Variants in ASTN2 observed in about 807,000 individuals in gnomAD.
ASTN2 encodes astrotactin 2, also known as astrotactin-2.
In ASTN2, 54 loss-of-function variants were observed where a neutral mutation model predicts 139.8. The observed-to-expected ratio is 0.39, with a 90% confidence interval of 0.31 to 0.48. The LOEUF (loss-of-function observed/expected upper bound fraction) is 0.48, where lower values mean the gene tolerates loss of function less well. ASTN2 is among the 20% of genes least tolerant of loss of function. The probability of loss-of-function intolerance (pLI) is 0.95; values close to 1 mark genes in which losing one functional copy is unlikely to be tolerated. For missense variants in ASTN2, 1,565 were observed against 1,725.1 expected (o/e 0.91, Z 1.64); for synonymous variants, 756 against 719.5 (o/e 1.05, Z -0.81).
chr9:116,870,370 T>A (rs1564314871), intron 10 of ASTN2, among the ~76,000 whole-genome samples: 1 of 152,136 alleles, frequency 6.6e-6, no homozygotes, highest in East Asian at 1.9e-4. Context: ...TATAATAACA[T>A]GATATAGAAA....
At chr9:116,568,038 A>G (rs1329948658) in intron 19 of ASTN2, among the ~76,000 whole-genome samples, 1 of 152,234 alleles carries the variant, frequency 6.6e-6, no homozygotes, top group African/African-American at 2.4e-5. Context: ...TAAACAGCTA[A>G]CAAATGGTGG....
chr9:117,137,538 T>G (rs560606293), intron 4 of ASTN2, among the ~76,000 whole-genome samples: 4 of 152,170 alleles, frequency 2.6e-5, no homozygotes, highest in Non-Finnish European at 5.9e-5. Flanking sequence ...AGCAAGTCAT[T>G]AATAAATGTT....
At chr9:117,338,413 C>T (rs559658182) in intron 1 of ASTN2, among the ~76,000 whole-genome samples, 1 of 152,134 alleles carries the variant, frequency 6.6e-6, no homozygotes. Context: ...AGATCCTATC[C>T]ATTTATCAGT....
intron 2 of ASTN2, among the ~76,000 whole-genome samples, chr9:117,238,112 T>C (rs1833098692): frequency 6.6e-6 from 1 of 152,170 alleles, no homozygotes; most frequent in Non-Finnish European, 1.5e-5. Flanking sequence ...GGGGAGAGGC[T>C]GTTTTAATAA....
intron 5 of ASTN2, among the ~76,000 whole-genome samples, chr9:117,081,475 C>G (rs1047676026): frequency 6.6e-6 from 1 of 152,206 alleles, no homozygotes; most frequent in Non-Finnish European, 1.5e-5. Context: ...AACATTCCCA[C>G]CCCCTGCACA....
At chr9:116,430,068 G>A (rs1267577248) in intron 22 of ASTN2, among the ~76,000 whole-genome samples, 1 of 152,192 alleles carries the variant, frequency 6.6e-6, no homozygotes, top group Non-Finnish European at 1.5e-5. Flanking sequence ...ACTCTTCCAA[G>A]CCATGATGTA....
intron 4 of ASTN2, among the ~76,000 whole-genome samples, chr9:117,098,919 GC>G (rs1014670397): frequency 3.3e-5 from 5 of 151,868 alleles, no homozygotes; most frequent in African/African-American, 1.2e-4. Flanking sequence ...ACCAGCCTGG[GC>G]AACACGGTGA....
chr9:116,824,587 C>T (rs917090034), intron 11 of ASTN2, among the ~76,000 whole-genome samples: 2 of 152,242 alleles, frequency 1.3e-5, no homozygotes, highest in East Asian at 1.9e-4. Flanking sequence ...CCCCAGGTGA[C>T]ATTTTGACTG....
intron 10 of ASTN2, among the ~76,000 whole-genome samples, chr9:116,950,887 C>T (rs1222439802): frequency 6.6e-6 from 1 of 152,162 alleles, no homozygotes; most frequent in Non-Finnish European, 1.5e-5. Context: ...GAATTTTATA[C>T]AACATATGGA....
intron 1 of ASTN2, among the ~76,000 whole-genome samples, chr9:117,329,204 T>C (rs1828621948): frequency 6.6e-6 from 1 of 150,466 alleles, no homozygotes; most frequent in Non-Finnish European, 1.5e-5. Flanking sequence ...TTTTTTTTTT[T>C]TACTTTTTGA....
intron 3 of ASTN2, among the ~76,000 whole-genome samples, chr9:117,198,713 T>A (rs1034437232): frequency 5.3e-5 from 8 of 152,148 alleles, no homozygotes; most frequent in Non-Finnish European, 1.2e-4. Flanking sequence ...GGAATTGCCA[T>A]CCTGTCTTCC....
chr9:117,357,708 T>C (rs1829580838), intron 1 of ASTN2, among the ~76,000 whole-genome samples: 1 of 152,166 alleles, frequency 6.6e-6, no homozygotes, highest in Non-Finnish European at 1.5e-5. Context: ...TTAAGAATGT[T>C]ATATCATGCC....
At chr9:116,732,617 G>A (rs1828818022) in intron 14 of ASTN2, among the ~76,000 whole-genome samples, 1 of 152,150 alleles carries the variant, frequency 6.6e-6, no homozygotes, top group African/African-American at 2.4e-5. Context: ...TCACATCTTA[G>A]GAAATTTCTT....
chr9:116,440,594 C>A lies in ASTN2; in HGVS notation c.3782+15G>T. 1 of 1,611,418 alleles carries A rather than the reference C, an allele frequency of 6.2e-7. No homozygotes were observed. The highest frequency in any genetic ancestry group is 8.5e-7 in the Non-Finnish European group (1 of 1,179,196). ...AAAAGAATATGCCCCTCCAATCACACAAATACGCCCATACCTGGGCCCCAG... is the reference window on the plus strand; with the variant it reads ...AAAAGAATATGCCCCTCCAATCACAAAAATACGCCCATACCTGGGCCCCAG... On this transcript the variant is annotated intron_variant, in intron 22 of 22. Coordinates refer to ENST00000313400, the MANE Select transcript of ASTN2 (RefSeq NM_001365068.1).
At chr9:116,696,405 G>A (rs803931) in intron 16 of ASTN2, among the ~76,000 whole-genome samples, 104,507 of 152,018 alleles carry the variant, frequency 0.69, 36,250 homozygotes, top group East Asian at 0.88. Context: ...CATTTTAAAG[G>A]TGGAGAAAAT....
chr9:116,492,519 A>T (rs1564315842), intron 19 of ASTN2, among the ~76,000 whole-genome samples: 1 of 152,130 alleles, frequency 6.6e-6, no homozygotes, highest in Admixed American at 6.5e-5. Context: ...ATGCCCATAC[A>T]CTCAACAGGA....
intron 4 of ASTN2, among the ~76,000 whole-genome samples, chr9:117,101,108 C>G (rs1349250836): frequency 1.3e-5 from 2 of 152,152 alleles, no homozygotes. Context: ...TCCTCAATTA[C>G]TTGATGCTTG....
chr9:117,032,385 T>A (rs1838272041), intron 6 of ASTN2, among the ~76,000 whole-genome samples: 1 of 152,144 alleles, frequency 6.6e-6, no homozygotes, highest in Non-Finnish European at 1.5e-5. Flanking sequence ...AGCCATATTG[T>A]ACAGAACTTC....
chr9:116,938,183 A>G (rs1835128619), intron 10 of ASTN2, among the ~76,000 whole-genome samples: 1 of 152,174 alleles, frequency 6.6e-6, no homozygotes, highest in African/African-American at 2.4e-5. Flanking sequence ...AATACACTAG[A>G]ATACCACTTT....
Sources: gnomAD v4.1 joint callset for allele counts (sites outside exome capture counted in the v4.1 genomes callset) on GRCh38, gnomAD v4.1.1 for gene constraint, MANE v1.5 for transcripts, NCBI Gene and HGNC (gene_info 2026-07-23, HGNC 2026-07-21) for gene names.